The following FOXP2 variants were observed in gnomAD, a reference collection of about 807,000 sequenced individuals.
FOXP2 encodes the protein forkhead box P2.
In FOXP2, 12 loss-of-function variants were observed where a neutral mutation model predicts 115.8. That is an observed-to-expected ratio of 0.10 (90% CI 0.07 to 0.17). The LOEUF is 0.17. FOXP2 is among the 10% of genes least tolerant of loss of function. The pLI, the probability that FOXP2 is intolerant of heterozygous loss-of-function variation, is 1.00. For synonymous variants in FOXP2, 328 were observed against 297.7 expected, an observed-to-expected ratio of 1.10 and a Z score of -1.05; for missense variants, 629 against 843.5, an observed-to-expected ratio of 0.75 and a Z score of 3.15.
intron 2 of FOXP2, among the ~76,000 whole-genome samples, chr7:114,494,408 A>G (rs991936371): frequency 2.0e-5 from 3 of 152,062 alleles, no homozygotes; most frequent in African/African-American, 7.2e-5. Flanking sequence ...GGCCTCCCAA[A>G]TCCTAGGCTC....
intron 2 of FOXP2, among the ~76,000 whole-genome samples, chr7:114,479,388 C>A (rs888260898): frequency 6.6e-6 from 1 of 151,372 alleles, no homozygotes; most frequent in Non-Finnish European, 1.5e-5. Context: ...GTGTGTTACG[C>A]TTGGTCAAGT....
At chr7:114,266,192 C>T (rs905208707) in intron 1 of FOXP2, among the ~76,000 whole-genome samples, 1 of 152,098 alleles carries the variant, frequency 6.6e-6, no homozygotes, top group East Asian at 1.9e-4. Context: ...CCTCATCTTC[C>T]TGTTTTCTTC....
chr7:114,608,527 A>G (rs1803456249), intron 3 of FOXP2, among the ~76,000 whole-genome samples: 3 of 152,198 alleles, frequency 2.0e-5, no homozygotes, highest in Non-Finnish European at 2.9e-5. Flanking sequence ...CACCTGAGCT[A>G]TATAACAAAA....
rs575543117 is a variant in FOXP2 at position 114,581,451 on chromosome 7, A to T, written c.258+46745A>T. ...GCCACTGTGCCTGGCCATCTTCTTT[A>T]TAATTAACACTTTTTTGTGTGTCAG... On this transcript the variant is annotated intron_variant, in intron 3 of 16. Coordinates refer to ENST00000350908, the MANE Select transcript of FOXP2 (RefSeq NM_014491.4). Among the ~76,000 whole-genome samples the T allele has an allele frequency of 7.2e-4, 110 of 152,086 alleles. 1 individual carries two copies. Among genetic ancestry groups the T allele is most frequent in the African/African-American group, 2.6e-3 (109 of 41,492 alleles).
intron 3 of FOXP2, among the ~76,000 whole-genome samples, chr7:114,541,598 T>C (rs769422160): frequency 6.6e-6 from 1 of 152,002 alleles, no homozygotes; most frequent in African/African-American, 2.4e-5. Context: ...CAATAATGAA[T>C]AGAGAAAAAT....
In FOXP2 at chr7:114,541,658, C is replaced by T. The variant is rs1378313142; in HGVS notation, c.258+6952C>T. On this transcript the variant is annotated intron_variant, in intron 3 of 16. Transcript: ENST00000350908. ...AGAAAATAGGGAATTAATAAATGTACTTTTGCTTCTCAGATTGCAGTGAAA... is the reference window on the plus strand; with the variant it reads ...AGAAAATAGGGAATTAATAAATGTATTTTTGCTTCTCAGATTGCAGTGAAA... Among the ~76,000 whole-genome samples the T allele has an allele frequency of 1.3e-5, 2 of 151,478 alleles. 1 individual carries two copies. The highest frequency in any genetic ancestry group is 1.3e-4 in the Admixed American group (2 of 15,144).
intron 2 of FOXP2, among the ~76,000 whole-genome samples, chr7:114,294,255 C>T (rs142051847): frequency 3.7e-4 from 57 of 152,270 alleles, no homozygotes; most frequent in Middle Eastern, 3.4e-3. Flanking sequence ...GCATGCTGGT[C>T]TGATACTCAT....
chr7:114,455,835 G>A (rs1048591021), intron 2 of FOXP2, among the ~76,000 whole-genome samples: 6 of 152,110 alleles, frequency 3.9e-5, no homozygotes, highest in African/African-American at 1.4e-4. Context: ...CCTTCCCACA[G>A]TACAGAAGAC....
chr7:114,225,565 C>T (rs148802296), intron 1 of FOXP2, among the ~76,000 whole-genome samples: 179 of 152,168 alleles, frequency 1.2e-3, no homozygotes, highest in African/African-American at 4.2e-3. Context: ...CTGCCTCAGT[C>T]TCCCAAGCAA....
At chr7:114,626,185 C>A (rs1804571333) in intron 3 of FOXP2, among the ~76,000 whole-genome samples, 1 of 151,706 alleles carries the variant, frequency 6.6e-6, no homozygotes, top group Non-Finnish European at 1.5e-5. Context: ...AAATAATCAT[C>A]TAACTTGTGT....
chr7:114,322,911 G>T (rs1797461926), intron 2 of FOXP2, among the ~76,000 whole-genome samples: 1 of 152,072 alleles, frequency 6.6e-6, no homozygotes, highest in South Asian at 2.1e-4. Context: ...CTCCTCATTT[G>T]ATTTTATATT....
At chr7:114,580,069 T>C (rs1383662725) in intron 3 of FOXP2, among the ~76,000 whole-genome samples, 2 of 152,316 alleles carry the variant, frequency 1.3e-5, no homozygotes, top group South Asian at 2.1e-4. Flanking sequence ...AGTGCCTTTT[T>C]AAAAGGACCT....
At chr7:114,339,149 C>T (rs1250179250) in intron 2 of FOXP2, among the ~76,000 whole-genome samples, 1 of 151,074 alleles carries the variant, frequency 6.6e-6, no homozygotes, top group Admixed American at 6.6e-5. Context: ...AGGTCTGCAA[C>T]CTTTTCTGTA....
chr7:114,381,867 G>T (rs775551902), intron 2 of FOXP2, among the ~76,000 whole-genome samples: 1 of 152,102 alleles, frequency 6.6e-6, no homozygotes, highest in Admixed American at 6.6e-5. Context: ...CTTTGGTAGG[G>T]AAAGGAGGCG....
At chr7:114,501,635 C>A (rs1797569789) in intron 2 of FOXP2, among the ~76,000 whole-genome samples, 1 of 152,022 alleles carries the variant, frequency 6.6e-6, no homozygotes, top group Non-Finnish European at 1.5e-5. Flanking sequence ...ACTTGAAAGA[C>A]ATTTTCTTTT....
intron 2 of FOXP2, among the ~76,000 whole-genome samples, chr7:114,500,183 T>C (rs991735863): frequency 1.5e-5 from 2 of 131,472 alleles, no homozygotes; most frequent in Non-Finnish European, 3.1e-5. Flanking sequence ...GCAACTGCCC[T>C]CCAGTCTGGG....
intron 6 of FOXP2, among the ~76,000 whole-genome samples, chr7:114,633,806 T>C (rs2129329185): frequency 6.6e-6 from 1 of 152,350 alleles, no homozygotes; most frequent in Non-Finnish European, 1.5e-5. Flanking sequence ...TTGTACAGTG[T>C]AAGCCCTGAA....
At chr7:114,381,651 G>C (rs953270211) in intron 2 of FOXP2, among the ~76,000 whole-genome samples, 5 of 152,190 alleles carry the variant, frequency 3.3e-5, no homozygotes, top group Non-Finnish European at 4.4e-5. Flanking sequence ...AGAGTATAAA[G>C]GTTAGGTACA....
intron 2 of FOXP2, among the ~76,000 whole-genome samples, chr7:114,527,691 A>C (rs1798943408): frequency 6.6e-6 from 1 of 152,026 alleles, no homozygotes; most frequent in Non-Finnish European, 1.5e-5. Context: ...TTCTCTCCAA[A>C]GGCTGTGTTT....
Sources: allele counts gnomAD v4.1 joint callset (sites outside exome capture counted in the v4.1 genomes callset), GRCh38; gene constraint gnomAD v4.1.1; transcripts MANE v1.5; gene names NCBI Gene and HGNC (gene_info 2026-07-23, HGNC 2026-07-21).